CUBN: variants seen among roughly 807,000 people sequenced by gnomAD.
The protein encoded by CUBN is 460 kDa receptor.
A neutral mutation model predicts 405.3 loss-of-function variants in CUBN; 282 were observed. That is an observed-to-expected ratio of 0.70 (90% CI 0.63 to 0.77). The LOEUF (loss-of-function observed/expected upper bound fraction) is 0.77. Ranked by LOEUF, CUBN falls within the 30% of genes least tolerant of loss-of-function variation. The probability of loss-of-function intolerance (pLI) is 0.00; values close to 1 mark genes in which losing one functional copy is unlikely to be tolerated. For synonymous variants in CUBN, 1,684 were observed against 1,617.0 expected (o/e 1.04, Z -0.99); for missense variants, 4,514 against 4,475.2 (o/e 1.01, Z -0.25).
At chr10:17,084,201 G>C in intron 17 of CUBN, 70 bp downstream of exon 17, 1 of 1,494,704 alleles carries the variant, frequency 6.7e-7, no homozygotes, top group Non-Finnish European at 9.3e-7. Context: ...ATCTTTTGAA[G>C]ACCACCACTC....
chr10:16,879,442 C>T (rs1174482412), intron 56 of CUBN, among the ~76,000 whole-genome samples: 3 of 152,210 alleles, frequency 2.0e-5, no homozygotes, highest in Non-Finnish European at 4.4e-5. Flanking sequence ...AATTTACTTA[C>T]TTACAAATGC....
At position 17,110,953 on chromosome 10, in the gene CUBN, T is replaced by C. The variant is rs1025919312; in HGVS notation, c.981A>G (p.Thr327=). ...SVAPPVECVN[T]PGSSHCQACP... ...AGGCCTGGCAGTGGGAAGACCCAGG[T>C]GTATTCACACACTCAACGGGTGGAG... The change falls in exon 9 of 67, where the codon ACA becomes ACG. Residue 327 remains threonine, a synonymous_variant. Transcript: ENST00000377833. 8.7e-6 allele frequency: 14 copies of C among 1,614,180 alleles called. No homozygotes were observed. In the East Asian group the frequency reaches 1.1e-4, roughly 13 times the overall value.
At chr10:16,982,444 G>T in intron 31 of CUBN, 40 bp downstream of exon 31, 1 of 1,564,238 alleles carries the variant, frequency 6.4e-7, no homozygotes, top group Non-Finnish European at 8.8e-7. Flanking sequence ...TTTTGACCGA[G>T]GTTTGACTGG....
At chr10:16,943,379 C>T (rs916046796) in intron 36 of CUBN, among the ~76,000 whole-genome samples, 1 of 152,202 alleles carries the variant, frequency 6.6e-6, no homozygotes, top group Non-Finnish European at 1.5e-5. Flanking sequence ...AAACAAACCA[C>T]ATATTTGTCT....
At chr10:16,884,580 T>G (rs530770709) in intron 56 of CUBN, among the ~76,000 whole-genome samples, 1 of 152,220 alleles carries the variant, frequency 6.6e-6, no homozygotes, top group East Asian at 1.9e-4. Context: ...GTAAAAGTAA[T>G]GAGAAAGTTA....
intron 27 of CUBN, among the ~76,000 whole-genome samples, chr10:17,036,595 G>A (rs1834906106): frequency 1.3e-5 from 2 of 152,116 alleles, no homozygotes; most frequent in South Asian, 4.1e-4. Flanking sequence ...AGAACCAGCA[G>A]GGCTGCCAGG....
chr10:17,027,569 C>G (rs1834700342), intron 27 of CUBN, among the ~76,000 whole-genome samples: 1 of 152,102 alleles, frequency 6.6e-6, no homozygotes, highest in South Asian at 2.1e-4. Context: ...CCTTTGTGAT[C>G]TGATAAATTT....
rs773218914 is a variant in CUBN at position 17,129,629 on chromosome 10, C to T, written c.122+15G>A. On this transcript the variant is annotated intron_variant, in intron 1 of 66. Coordinates refer to ENST00000377833, the MANE Select transcript of CUBN (RefSeq NM_001081.4). ...GCCTAGTCCCTGAGCAGGAATGACC[C>T]ATGTGTTTACTTACTGTTGGAGATT... The T allele has an allele frequency of 6.2e-7, 1 of 1,614,114 alleles. No homozygotes were observed. Among genetic ancestry groups the T allele is most frequent in the Non-Finnish European group, 8.5e-7 (1 of 1,179,984 alleles).
At chr10:16,973,448 C>T (rs1248567410) in intron 31 of CUBN, among the ~76,000 whole-genome samples, 2 of 152,134 alleles carry the variant, frequency 1.3e-5, no homozygotes, top group African/African-American at 4.8e-5. Context: ...AGCTTGAGGC[C>T]CAGAATTACA....
At chr10:17,023,113 C>T (rs983683217) in intron 27 of CUBN, among the ~76,000 whole-genome samples, 5 of 151,328 alleles carry the variant, frequency 3.3e-5, no homozygotes, top group African/African-American at 2.4e-5. Flanking sequence ...TTTTTCCTTC[C>T]TTCTGGATGG....
chr10:17,121,866 C>G (rs1469128317), intron 6 of CUBN: 1 of 152,060 alleles, frequency 6.6e-6, no homozygotes, highest in African/African-American at 2.4e-5. Flanking sequence ...GATTCTACTC[C>G]AGAGCATTGA....
intron 27 of CUBN, among the ~76,000 whole-genome samples, chr10:17,029,594 T>C (rs1396880667): frequency 3.9e-5 from 6 of 152,216 alleles, no homozygotes; most frequent in Non-Finnish European, 8.8e-5. Context: ...TTTATGCATG[T>C]TTTTGAATAG....
intron 64 of CUBN, among the ~76,000 whole-genome samples, chr10:16,834,417 G>A (rs1241098381): frequency 6.6e-6 from 1 of 152,106 alleles, no homozygotes; most frequent in East Asian, 1.9e-4. Flanking sequence ...TGGGTGTGTG[G>A]ACGATGGGCA....
chr10:16,871,425 A>G (rs932942785), intron 58 of CUBN, among the ~76,000 whole-genome samples: 2 of 149,090 alleles, frequency 1.3e-5, no homozygotes, highest in Non-Finnish European at 3.0e-5. Context: ...AATAATATAT[A>G]TTTATATATA....
chr10:17,101,593 C>A (rs562079806), intron 13 of CUBN, among the ~76,000 whole-genome samples: 72 of 152,282 alleles, frequency 4.7e-4, no homozygotes, highest in African/African-American at 1.7e-3. Flanking sequence ...TTTATCTATT[C>A]AGACATACCA....
chr10:16,872,466 T>C (rs932921144), intron 58 of CUBN, among the ~76,000 whole-genome samples: 1 of 152,032 alleles, frequency 6.6e-6, no homozygotes, highest in Non-Finnish European at 1.5e-5. Context: ...ATATGTTCCC[T>C]AAGCTAATGG....
rs78357344 is a variant in CUBN at position 16,999,021 on chromosome 10, T to C, written c.4169-8506A>G. On this transcript the variant is annotated intron_variant, in intron 28 of 66. Transcript: ENST00000377833. ...ACAGCAGTGGATATAAAGTAGAGCA[T>C]CGGGTTTCAATGGTAGAGATACAAT... Among the ~76,000 whole-genome samples the C allele has an allele frequency of 9.0e-4, 137 of 152,336 alleles. 1 individual carries two copies. The East Asian group carries it at 0.025, about 28-fold the overall frequency.
intron 31 of CUBN, among the ~76,000 whole-genome samples, chr10:16,977,653 G>A (rs78995156): frequency 0.012 from 1,792 of 152,280 alleles, 39 homozygotes; most frequent in African/African-American, 0.041. Flanking sequence ...GTACCAAGAG[G>A]ACACTGAGCT....
At chr10:16,884,115 G>A (rs1469429659) in intron 56 of CUBN, among the ~76,000 whole-genome samples, 1 of 152,152 alleles carries the variant, frequency 6.6e-6, no homozygotes, top group African/African-American at 2.4e-5. Context: ...GAGTAGCTGG[G>A]ACTACAGGGG....
Sources: allele counts gnomAD v4.1 joint callset (sites outside exome capture counted in the v4.1 genomes callset), GRCh38; gene constraint gnomAD v4.1.1; transcripts MANE v1.5; gene names NCBI Gene and HGNC (gene_info 2026-07-23, HGNC 2026-07-21).